The following GRAMD2A variants were observed in gnomAD, a reference collection of about 807,000 sequenced individuals.
GRAMD2A encodes the protein GRAM domain-containing protein 2A.
In GRAMD2A, 37 loss-of-function variants were observed where a neutral mutation model predicts 51.1. The observed-to-expected ratio is 0.72, with a 90% CI of 0.56 to 0.95. GRAMD2A has a LOEUF of 0.95. Among genes scored for constraint, GRAMD2A ranks in the 40% least tolerant of loss-of-function variants. The pLI is 0.00. For missense variants in GRAMD2A, 414 were observed against 426.9 expected, an observed-to-expected ratio of 0.97 and a Z score of 0.27; for synonymous variants, 136 against 157.1, an observed-to-expected ratio of 0.87 and a Z score of 1.01.
At chr15:72,175,708 C>A (rs1478840708) in intron 1 of GRAMD2A, 2 of 152,420 alleles carry the variant, frequency 1.3e-5, no homozygotes, top group South Asian at 4.1e-4. Flanking sequence ...CCAGCACTTA[C>A]CACACCAGAG....
Position 72,170,511 on chromosome 15 carries a change from C to T in GRAMD2A, c.42-572G>A. The T allele has an allele frequency of 2.3e-6, 1 of 432,276 alleles. No homozygotes were observed. The highest frequency in any genetic ancestry group is 4.6e-6 in the Non-Finnish European group (1 of 215,364). The allele number at this position is 432,276 out of a possible 1,614,324, so 26.8% of individuals were successfully genotyped here. ...GTCTTATACCAGGAAGTGGCCTCAG[C>T]CACCTTGGACAGTCAGGACAGCTTG... On this transcript the variant is annotated intron_variant, in intron 1 of 11. Transcript: ENST00000309731. The surrounding 1 kb of genome is among the most constrained non-coding windows in gnomAD (Gnocchi z 4.5).
chr15:72,168,780 A>G (rs2081576971), intron 3 of GRAMD2A, among the ~76,000 whole-genome samples, 159 bp downstream of exon 3: 1 of 152,258 alleles, frequency 6.6e-6, no homozygotes. Context: ...TTGTACTAGC[A>G]GAGGGGGACA....
chr15:72,185,111 T>C (rs2081725688), intron 1 of GRAMD2A, among the ~76,000 whole-genome samples: 1 of 152,112 alleles, frequency 6.6e-6, no homozygotes, highest in Non-Finnish European at 1.5e-5. Context: ...CGTTTTCCTG[T>C]AGACCTACAA....
chr15:72,168,363 G>C, intron 4 of GRAMD2A, 128 bp downstream of exon 4: 1 of 723,054 alleles, frequency 1.4e-6, no homozygotes, highest in South Asian at 1.5e-5. Flanking sequence ...TCACATTCTA[G>C]GGGAGTGGTC....
chr15:72,185,674 G>A (rs746070384), intron 1 of GRAMD2A, among the ~76,000 whole-genome samples: 30 of 152,348 alleles, frequency 2.0e-4, no homozygotes, highest in Admixed American at 1.5e-3. Flanking sequence ...ATTAAGTAGC[G>A]AAGTATTAAC....
Position 72,163,644 on chromosome 15 carries a change from A to G in GRAMD2A, c.714T>C (p.Ser238=), listed in dbSNP as rs1567080426. 2 of 1,601,336 alleles carry G rather than the reference A, an allele frequency of 1.2e-6. No individual in the cohort carries two copies. The highest frequency in any genetic ancestry group is 3.6e-5 in the Admixed American group (2 of 55,872). The change falls in exon 9 of 12, where the codon AGT becomes AGC. Residue 238 remains serine, a synonymous_variant. Transcript: ENST00000309731. ...TTGGAGGCTTCCTGGAGGGGAAGAAACTGTCTGTGGAGTCCACGGATGATG... is the reference window on the plus strand; with the variant it reads ...TTGGAGGCTTCCTGGAGGGGAAGAAGCTGTCTGTGGAGTCCACGGATGATG... ...IPPSSVDSTD[S]FFPSRKPPMS... is the part of the protein sequence containing the mutation.
chr15:72,169,479 C>A (rs1203869172), intron 2 of GRAMD2A: 1 of 528,656 alleles, frequency 1.9e-6, no homozygotes, highest in Non-Finnish European at 3.6e-6. Flanking sequence ...CGCCTCCTTC[C>A]TGTGGCCTGA....
At chr15:72,177,891 C>T (rs1596691568) in intron 1 of GRAMD2A, among the ~76,000 whole-genome samples, 1 of 152,296 alleles carries the variant, frequency 6.6e-6, no homozygotes, top group East Asian at 1.9e-4. Context: ...ACACGCCCAG[C>T]TAATTGTTGT....
In GRAMD2A at chr15:72,197,757, G is replaced by A; in HGVS notation, c.15C>T (p.Ser5=). 2 of 1,325,268 alleles carry A rather than the reference G, an allele frequency of 1.5e-6. No homozygotes were observed. The highest frequency in any genetic ancestry group is 2.8e-5 in the Admixed American group (1 of 35,220). The allele number at this position is 1,325,268 out of a possible 1,614,324, so 82.1% of individuals were successfully genotyped here. The change falls in exon 1 of 12, where the codon AGC becomes AGT. Residue 5 remains serine, a synonymous_variant. Transcript: ENST00000309731. ...CGCCCTCCTCGGTGGCCTCGCTCCG[G>A]CTTAAAGCGGTCATCCCGGCGCCTG... MTAL[S]RSEATEEGGN...
intron 1 of GRAMD2A, among the ~76,000 whole-genome samples, chr15:72,179,937 G>A (rs12906612): frequency 0.014 from 2,066 of 152,222 alleles, 21 homozygotes; most frequent in East Asian, 0.028. Context: ...AACCAGCCGC[G>A]GCAAGGCCCT....
At chr15:72,192,005 T>A (rs1045621252) in intron 1 of GRAMD2A, among the ~76,000 whole-genome samples, 3 of 152,218 alleles carry the variant, frequency 2.0e-5, no homozygotes, top group African/African-American at 7.2e-5. Flanking sequence ...GCTATCTGAT[T>A]AAGAAGTTAC....
intron 8 of GRAMD2A, 68 bp from the exon 9 acceptor site, chr15:72,163,825 A>G (rs2081510014): frequency 2.0e-6 from 3 of 1,523,574 alleles, no homozygotes; most frequent in African/African-American, 1.4e-5. Context: ...AGGAGCCCAC[A>G]CCAGGTTTAT....
At chr15:72,180,438 G>A (rs1480717715) in intron 1 of GRAMD2A, among the ~76,000 whole-genome samples, 1 of 152,222 alleles carries the variant, frequency 6.6e-6, no homozygotes, top group Non-Finnish European at 1.5e-5. Flanking sequence ...CTGTGCTCTT[G>A]GGGGCCGCCC....
intron 1 of GRAMD2A, among the ~76,000 whole-genome samples, chr15:72,182,362 C>CAAA (rs36075463): frequency 4.4e-4 from 21 of 47,464 alleles, no homozygotes; most frequent in African/African-American, 7.7e-4. Context: ...GAGACTGTCT[C>CAAA]AAAAAAAAAA....
chr15:72,190,901 C>A (rs2081763651), intron 1 of GRAMD2A, among the ~76,000 whole-genome samples: 1 of 152,162 alleles, frequency 6.6e-6, no homozygotes, highest in African/African-American at 2.4e-5. Context: ...AAAAAGGAGC[C>A]TAAAACATCT....
rs2081467137 is a variant in GRAMD2A, at chr15:72,160,874, C to T, written c.*1135G>A. On this transcript the variant is annotated 3_prime_UTR_variant, in exon 12 of 12. Coordinates refer to ENST00000309731, the MANE Select transcript of GRAMD2A (RefSeq NM_001012642.3). Reference sequence around the variant, plus strand: ...AGAGGTATGAGATAGACCCCCTGGCCTGGTTCCTGCACTGTGCTAGGCCCA... The same window carrying T: ...AGAGGTATGAGATAGACCCCCTGGCTTGGTTCCTGCACTGTGCTAGGCCCA... 6.6e-6 allele frequency: 1 copy of T among 152,564 alleles called. No individual in the cohort carries two copies. Among genetic ancestry groups the T allele is most frequent in the African/African-American group, 2.4e-5 (1 of 41,472 alleles). 9.5% of individuals were successfully genotyped at this position (152,564 alleles called of 1,614,324 possible). A position where few individuals can be genotyped will look rare whatever the true frequency, so the allele number is the denominator to read the frequency against.
chr15:72,161,984 A>C lies in GRAMD2A; in HGVS notation c.*25T>G, dbSNP rs1295325278. On this transcript the variant is annotated 3_prime_UTR_variant, in exon 12 of 12. Coordinates refer to ENST00000309731, the MANE Select transcript of GRAMD2A (RefSeq NM_001012642.3). ...CCCAGAACATTCTTCTTGGAGAAGG[A>C]ATGGGGACAAAGGCCAAGTGGCTGT... The C allele has an allele frequency of 1.2e-6, 2 of 1,613,736 alleles. No individual in the cohort carries two copies. The highest frequency in any genetic ancestry group is 4.5e-5 in the East Asian group (2 of 44,878).
At chr15:72,197,221 G>A (rs1208749466) in intron 1 of GRAMD2A, among the ~76,000 whole-genome samples, 2 of 152,188 alleles carry the variant, frequency 1.3e-5, no homozygotes, top group Non-Finnish European at 2.9e-5. Context: ...AGACAGCTCC[G>A]AGCTGCCTCC....
At chr15:72,167,938 G>T in intron 4 of GRAMD2A, 99 bp from the exon 5 acceptor site, 1 of 805,990 alleles carries the variant, frequency 1.2e-6, no homozygotes, top group Non-Finnish European at 2.2e-6. Context: ...TCCAGCCTCA[G>T]GACCTGTCTT....
Sources: allele counts gnomAD v4.1 joint callset (sites outside exome capture counted in the v4.1 genomes callset), GRCh38; gene constraint gnomAD v4.1.1; non-coding constraint Gnocchi (gnomAD v3.1); transcripts MANE v1.5; gene names NCBI Gene and HGNC (gene_info 2026-07-23, HGNC 2026-07-21).